Variants in CACNA2D1 observed in about 807,000 individuals in gnomAD.
The protein encoded by CACNA2D1 is voltage-dependent calcium channel subunit alpha-2/delta-1.
In CACNA2D1, 53 loss-of-function variants were observed where a neutral mutation model predicts 171.5. That is an observed-to-expected ratio of 0.31 (90% CI 0.25 to 0.39). The LOEUF (loss-of-function observed/expected upper bound fraction) is 0.39, where lower values mean the gene tolerates loss of function less well. Among genes scored for constraint, CACNA2D1 ranks in the 10% least tolerant of loss-of-function variants. The pLI is 1.00. For missense variants in CACNA2D1, 903 were observed against 1,299.8 expected, an observed-to-expected ratio of 0.69 and a Z score of 4.69; for synonymous variants, 442 against 443.1, an observed-to-expected ratio of 1.00 and a Z score of 0.03.
At chr7:82,069,698 A>G (rs1167862110) in intron 7 of CACNA2D1, among the ~76,000 whole-genome samples, 2 of 104,300 alleles carry the variant, frequency 1.9e-5, no homozygotes, top group East Asian at 5.8e-4. Context: ...GTCTAAAAAT[A>G]ATAGCGAAGT....
rs774049137 is a variant in CACNA2D1 at position 82,005,884 on chromosome 7, C to A, written c.1441-45G>T. ...AATGGCATTTTATGTCAAAAATTTA[C>A]GTATTTTTACACAATTATCATATGA... On this transcript the variant is annotated intron_variant, in intron 16 of 38. Coordinates refer to ENST00000356860, the MANE Select transcript of CACNA2D1 (RefSeq NM_000722.4). 8 of 1,065,116 alleles carry A rather than the reference C, an allele frequency of 7.5e-6. No homozygotes were observed. In the African/African-American group the frequency reaches 9.3e-5, roughly 12 times the overall value. 66.0% of individuals were successfully genotyped at this position (1,065,116 alleles called of 1,614,324 possible). A position where few individuals can be genotyped will look rare whatever the true frequency, so the allele number is the denominator to read the frequency against.
chr7:82,013,331 T>A, intron 14 of CACNA2D1, 130 bp downstream of exon 14: 1 of 267,246 alleles, frequency 3.7e-6, no homozygotes. Flanking sequence ...AGATACTCAG[T>A]ATTTTAATAT....
intron 3 of CACNA2D1, among the ~76,000 whole-genome samples, chr7:82,274,400 C>T (rs1022773941): frequency 1.8e-4 from 27 of 152,060 alleles, no homozygotes; most frequent in Non-Finnish European, 3.4e-4. Flanking sequence ...GGAAACTTGC[C>T]TGTCTTGGTT....
chr7:82,019,718 T>G (rs1422565138), intron 12 of CACNA2D1, among the ~76,000 whole-genome samples: 1 of 152,190 alleles, frequency 6.6e-6, no homozygotes, highest in Admixed American at 6.5e-5. Context: ...ACCCAGTTAC[T>G]GGAAACTGTC....
At chr7:82,442,198 C>A (rs1830557387) in intron 1 of CACNA2D1, among the ~76,000 whole-genome samples, 1 of 152,306 alleles carries the variant, frequency 6.6e-6, no homozygotes, top group South Asian at 2.1e-4. Flanking sequence ...TAAATAATAG[C>A]CGCAGGATTT....
At chr7:82,266,703 G>C (rs190606920) in intron 3 of CACNA2D1, among the ~76,000 whole-genome samples, 3 of 152,220 alleles carry the variant, frequency 2.0e-5, no homozygotes, top group Admixed American at 2.0e-4. Context: ...TTTTAGCAGA[G>C]ATGAGGTTTC....
At chr7:82,207,712 G>A (rs1800152993) in intron 3 of CACNA2D1, among the ~76,000 whole-genome samples, 1 of 152,114 alleles carries the variant, frequency 6.6e-6, no homozygotes, top group Admixed American at 6.5e-5. Context: ...CTGGTACTTA[G>A]TAGGAATTTA....
chr7:81,960,420 A>C (rs1036306007), intron 36 of CACNA2D1, among the ~76,000 whole-genome samples: 3 of 152,080 alleles, frequency 2.0e-5, no homozygotes, highest in African/African-American at 7.2e-5. Flanking sequence ...TTGAAATTTC[A>C]ATAGCCACCT....
chr7:82,173,358 G>A (rs1204190536), intron 3 of CACNA2D1, among the ~76,000 whole-genome samples: 3 of 152,044 alleles, frequency 2.0e-5, no homozygotes, highest in African/African-American at 7.2e-5. Context: ...AAGGCATGAA[G>A]TTATGTATAC....
intron 1 of CACNA2D1, among the ~76,000 whole-genome samples, chr7:82,352,462 A>G (rs537116393): frequency 6.6e-6 from 1 of 152,318 alleles, no homozygotes; most frequent in Non-Finnish European, 1.5e-5. Flanking sequence ...GGGAAATTAC[A>G]GAGGATACAG....
intron 3 of CACNA2D1, among the ~76,000 whole-genome samples, chr7:82,242,748 ATTTG>A (rs1020194292): frequency 6.6e-6 from 1 of 151,936 alleles, no homozygotes; most frequent in Admixed American, 6.6e-5. Context: ...TTTTTTCTTG[ATTTG>A]TTTGTTGTCT....
rs117721546 is a variant in CACNA2D1 at position 82,246,996 on chromosome 7, G to A, written c.295-76387C>T. Among the ~76,000 whole-genome samples the A allele has an allele frequency of 7.5e-3, 1,136 of 152,206 alleles. 6 individuals carry two copies. The highest frequency in any genetic ancestry group is 0.014 in the Middle Eastern group (4 of 294). ...AGTCTCCAGCTTTGAGAAGAAGGGA[G>A]GTCAAAATGTGCTGGACAGAGTCCA... is the stretch of plus-strand genomic sequence containing the variant. On this transcript the variant is annotated intron_variant, in intron 3 of 38. Coordinates refer to ENST00000356860, the MANE Select transcript of CACNA2D1 (RefSeq NM_000722.4).
intron 3 of CACNA2D1, among the ~76,000 whole-genome samples, chr7:82,332,561 A>AGAAAGAAAGAAG (rs1554514960): frequency 3.6e-5 from 5 of 140,450 alleles, no homozygotes; most frequent in African/African-American, 5.2e-5. Context: ...AAAGAAAGAA[A>AGAAAGAAAGAAG]GAAAGAACGA....
chr7:82,410,640 G>A, intron 1 of CACNA2D1: 1 of 381,870 alleles, frequency 2.6e-6, no homozygotes, highest in Non-Finnish European at 3.6e-6. Flanking sequence ...GTCTGACTGA[G>A]CAGGCGCGTA....
intron 3 of CACNA2D1, among the ~76,000 whole-genome samples, chr7:82,217,390 C>CATATATATATATATATATATATAT (rs1199331212): frequency 1.3e-4 from 7 of 54,422 alleles, no homozygotes; most frequent in African/African-American, 9.2e-4. Flanking sequence ...CACACACACA[C>CATATATATATATATATATATATAT]ATACATATAT....
At chr7:82,278,972 G>T (rs1170149458) in intron 3 of CACNA2D1, among the ~76,000 whole-genome samples, 2 of 152,156 alleles carry the variant, frequency 1.3e-5, no homozygotes, top group Non-Finnish European at 2.9e-5. Context: ...GCAAAACCAT[G>T]TGACTTCTCT....
At chr7:82,262,625 G>A (rs1807277643) in intron 3 of CACNA2D1, among the ~76,000 whole-genome samples, 1 of 152,084 alleles carries the variant, frequency 6.6e-6, no homozygotes, top group Non-Finnish European at 1.5e-5. Flanking sequence ...GCCTTGGCAT[G>A]CTGAGTATTT....
At chr7:82,264,194 C>A (rs976936426) in intron 3 of CACNA2D1, among the ~76,000 whole-genome samples, 1 of 152,136 alleles carries the variant, frequency 6.6e-6, no homozygotes, top group Non-Finnish European at 1.5e-5. Context: ...ATAGAAAATG[C>A]ACACTTAATG....
intron 1 of CACNA2D1, among the ~76,000 whole-genome samples, chr7:82,359,522 T>C (rs910392924): frequency 6.6e-6 from 1 of 152,164 alleles, no homozygotes; most frequent in East Asian, 1.9e-4. Flanking sequence ...TTTACAAATA[T>C]GTCAGCTTTG....
Sources: allele counts gnomAD v4.1 joint callset (sites outside exome capture counted in the v4.1 genomes callset), GRCh38; gene constraint gnomAD v4.1.1; transcripts MANE v1.5; gene names NCBI Gene and HGNC (gene_info 2026-07-23, HGNC 2026-07-21).